Variants in DGKI observed in about 807,000 individuals in gnomAD.
The protein encoded by DGKI is DAG kinase iota.
In DGKI, 55 loss-of-function variants were observed where a neutral mutation model predicts 147.5. The observed-to-expected ratio is 0.37, with a 90% CI of 0.30 to 0.47. The LOEUF is 0.47. Among genes scored for constraint, DGKI ranks in the 20% least tolerant of loss-of-function variants. The pLI is 1.00. For missense variants in DGKI, 1,007 were observed against 1,323.8 expected, an observed-to-expected ratio of 0.76 and a Z score of 3.71; for synonymous variants, 469 against 477.1, an observed-to-expected ratio of 0.98 and a Z score of 0.22.
At chr7:137,679,603 T>G (rs1376845157) in intron 2 of DGKI, among the ~76,000 whole-genome samples, 1 of 152,044 alleles carries the variant, frequency 6.6e-6, no homozygotes, top group African/African-American at 2.4e-5. Context: ...TACAGGAAAA[T>G]TACTCTTGTT....
chr7:137,514,931 C>T (rs1242046048), intron 21 of DGKI, among the ~76,000 whole-genome samples: 1 of 152,156 alleles, frequency 6.6e-6, no homozygotes, highest in African/African-American at 2.4e-5. Flanking sequence ...AGTTCCAACA[C>T]CTTCTCATTA....
intron 1 of DGKI, among the ~76,000 whole-genome samples, chr7:137,802,699 G>T (rs1370542163): frequency 1.3e-5 from 2 of 152,172 alleles, no homozygotes; most frequent in African/African-American, 4.8e-5. Context: ...TTTCTTATTA[G>T]TGCCAAATTA....
intron 9 of DGKI, 74 bp downstream of exon 9, chr7:137,609,461 C>T: frequency 8.6e-7 from 1 of 1,159,552 alleles, no homozygotes; most frequent in Non-Finnish European, 1.3e-6. Context: ...TCAACTTGGA[C>T]CAGATCTCAT....
intron 30 of DGKI, among the ~76,000 whole-genome samples, chr7:137,397,660 C>T (rs1028054698): frequency 5.3e-5 from 8 of 152,098 alleles, no homozygotes; most frequent in African/African-American, 7.2e-5. Flanking sequence ...AAGCAGCTTT[C>T]GATCAAGTTT....
At chr7:137,695,901 G>A (rs1219303148) in intron 1 of DGKI, among the ~76,000 whole-genome samples, 1 of 152,168 alleles carries the variant, frequency 6.6e-6, no homozygotes, top group Non-Finnish European at 1.5e-5. Context: ...CAGATAGCTT[G>A]ATGTCTTTTA....
intron 23 of DGKI, among the ~76,000 whole-genome samples, chr7:137,479,349 T>C (rs1034332588): frequency 5.9e-5 from 9 of 152,174 alleles, no homozygotes; most frequent in African/African-American, 2.2e-4. Flanking sequence ...TCTTATGATA[T>C]ATATTAATGG....
chr7:137,496,820 T>C (rs1815982870), intron 21 of DGKI, among the ~76,000 whole-genome samples: 2 of 152,150 alleles, frequency 1.3e-5, no homozygotes, highest in South Asian at 4.1e-4. Flanking sequence ...AAGACTTAAA[T>C]GTAAAACCTA....
At chr7:137,420,425 T>C (rs2128905630) in intron 28 of DGKI, among the ~76,000 whole-genome samples, 1 of 152,274 alleles carries the variant, frequency 6.6e-6, no homozygotes, top group East Asian at 1.9e-4. Context: ...TATACTTGAA[T>C]TGTGATGTGC....
chr7:137,435,609 C>A (rs538859191), intron 28 of DGKI, among the ~76,000 whole-genome samples: 8 of 151,946 alleles, frequency 5.3e-5, no homozygotes, highest in African/African-American at 1.5e-4. Flanking sequence ...TTTTTTACAA[C>A]GGGGATTCTA....
chr7:137,558,793 C>A (rs1240674756), intron 19 of DGKI, among the ~76,000 whole-genome samples: 1 of 123,130 alleles, frequency 8.1e-6, no homozygotes, highest in Admixed American at 8.4e-5. Context: ...AGGTGATCCA[C>A]CCACCTTGGC....
At chr7:137,692,575 C>T (rs1823649899) in intron 1 of DGKI, among the ~76,000 whole-genome samples, 1 of 152,168 alleles carries the variant, frequency 6.6e-6, no homozygotes, top group Non-Finnish European at 1.5e-5. Flanking sequence ...ACTCTGACCG[C>T]CAAAACCCGG....
chr7:137,404,433 T>G (rs2128897044), intron 30 of DGKI, among the ~76,000 whole-genome samples: 1 of 152,356 alleles, frequency 6.6e-6, no homozygotes, highest in Non-Finnish European at 1.5e-5. Flanking sequence ...CAATTGCATT[T>G]AAGTCTCCAT....
At chr7:137,511,530 T>A (rs913736271) in intron 21 of DGKI, among the ~76,000 whole-genome samples, 2 of 152,210 alleles carry the variant, frequency 1.3e-5, no homozygotes, top group African/African-American at 4.8e-5. Flanking sequence ...TTAAAAGATA[T>A]AACAAGAGAA....
chr7:137,824,040 A>C (rs1563214508), intron 1 of DGKI, among the ~76,000 whole-genome samples: 1 of 152,222 alleles, frequency 6.6e-6, no homozygotes, highest in South Asian at 2.1e-4. Flanking sequence ...GAAGAAACAC[A>C]TAAGGGTGGG....
intron 3 of DGKI, among the ~76,000 whole-genome samples, chr7:137,674,104 A>G (rs1192351113): frequency 6.6e-6 from 1 of 152,202 alleles, no homozygotes; most frequent in Non-Finnish European, 1.5e-5. Flanking sequence ...TTACTTTTGC[A>G]TCCTTTTATA....
At chr7:137,476,239 C>A (rs1438841789) in intron 23 of DGKI, among the ~76,000 whole-genome samples, 3 of 152,180 alleles carry the variant, frequency 2.0e-5, no homozygotes, top group Non-Finnish European at 2.9e-5. Context: ...TCTCCACTGT[C>A]TGGCAGTGAA....
chr7:137,624,750 G>T (rs563808352), intron 6 of DGKI, among the ~76,000 whole-genome samples: 80 of 152,052 alleles, frequency 5.3e-4, no homozygotes, highest in African/African-American at 1.7e-3. Context: ...GACTACAGGC[G>T]CCTGCCACCA....
intron 17 of DGKI, among the ~76,000 whole-genome samples, chr7:137,576,043 C>CTT (rs1386281275): frequency 1.3e-4 from 17 of 135,056 alleles, no homozygotes; most frequent in African/African-American, 4.0e-4. Context: ...TTTTCTTTTT[C>CTT]TTTTTTTTTT....
intron 20 of DGKI, among the ~76,000 whole-genome samples, chr7:137,534,470 A>T (rs1156510786): frequency 1.3e-5 from 2 of 151,998 alleles, no homozygotes; most frequent in Non-Finnish European, 2.9e-5. Flanking sequence ...TTTTACTATA[A>T]TCATGCTTTA....
Sources: gnomAD v4.1 joint callset for allele counts (sites outside exome capture counted in the v4.1 genomes callset) on GRCh38, gnomAD v4.1.1 for gene constraint, MANE v1.5 for transcripts, NCBI Gene and HGNC (gene_info 2026-07-23, HGNC 2026-07-21) for gene names.